ERCC8: variants seen among roughly 807,000 people sequenced by gnomAD.
ERCC8 encodes DNA excision repair protein ERCC-8.
In ERCC8, 52 loss-of-function variants were observed where a neutral mutation model predicts 54.9. That is an observed-to-expected ratio of 0.95 (90% CI 0.76 to 1.19). The LOEUF is 1.19. Among genes scored for constraint, ERCC8 ranks in the 50% most tolerant of loss-of-function variants. The probability of loss-of-function intolerance (pLI) is 0.00; values close to 1 mark genes in which losing one functional copy is unlikely to be tolerated. For synonymous variants in ERCC8, 146 were observed against 157.2 expected (o/e 0.93, Z 0.53); for missense variants, 514 against 466.1 (o/e 1.10, Z -0.95).
intron 1 of ERCC8, among the ~76,000 whole-genome samples, chr5:60,942,157 C>T (rs158935): frequency 0.64 from 96,717 of 151,968 alleles, 31,205 homozygotes; most frequent in East Asian, 0.94. Flanking sequence ...AATGTTCAAA[C>T]AGTCAAATGA....
chr5:60,929,191 G>A (rs1030799538), intron 1 of ERCC8, among the ~76,000 whole-genome samples: 4 of 152,024 alleles, frequency 2.6e-5, no homozygotes, highest in South Asian at 2.1e-4. Context: ...AAATTTGTAC[G>A]AAAAAAGTTA....
chr5:60,931,108 A>C (rs1749896062), intron 1 of ERCC8, among the ~76,000 whole-genome samples: 1 of 151,160 alleles, frequency 6.6e-6, no homozygotes, highest in African/African-American at 2.4e-5. Flanking sequence ...AAAGCAAGCA[A>C]GACTCCGTCT....
chr5:60,926,362 T>C (rs549552614), intron 2 of ERCC8, among the ~76,000 whole-genome samples: 4 of 152,306 alleles, frequency 2.6e-5, no homozygotes, highest in East Asian at 1.9e-4. Context: ...AATGATGTAG[T>C]AGATTTATGT....
rs1489600919 is a variant in ERCC8 at position 60,945,014 on chromosome 5, G to C, written c.-6C>G. 2 of 1,613,052 alleles carry C rather than the reference G, an allele frequency of 1.2e-6. No homozygotes were observed. The highest frequency in any genetic ancestry group is 1.7e-6 in the Non-Finnish European group (2 of 1,179,004). On this transcript the variant is annotated 5_prime_UTR_variant, in exon 1 of 12. Coordinates refer to ENST00000676185, the MANE Select transcript of ERCC8 (RefSeq NM_000082.4). The stretch of plus-strand genomic sequence containing the variant: ...GCGGACAAAAACCCCAGCATATCGT[G>C]TCCTCACACCGGCTGGAGCACTGGA...
chr5:60,920,842 C>T (rs1344166735), intron 3 of ERCC8, among the ~76,000 whole-genome samples: 1 of 151,760 alleles, frequency 6.6e-6, no homozygotes, highest in Non-Finnish European at 1.5e-5. Flanking sequence ...GGTGAAAATA[C>T]TATTTTGCTA....
At chr5:60,913,732 T>A (rs1749343179) in intron 4 of ERCC8, among the ~76,000 whole-genome samples, 1 of 152,168 alleles carries the variant, frequency 6.6e-6, no homozygotes, top group Non-Finnish European at 1.5e-5. Context: ...GGGCATTTAG[T>A]GCTATAAATT....
chr5:60,927,629 A>G (rs1043710472), intron 2 of ERCC8, among the ~76,000 whole-genome samples: 3 of 152,112 alleles, frequency 2.0e-5, no homozygotes, highest in Non-Finnish European at 4.4e-5. Context: ...ACTGATTACT[A>G]CACCAAGTGG....
intron 10 of ERCC8, 21 bp downstream of exon 10, chr5:60,890,868 A>T: frequency 6.3e-7 from 1 of 1,581,638 alleles, no homozygotes; most frequent in Non-Finnish European, 8.7e-7. Flanking sequence ...TGAACATTTT[A>T]AATTCCTGTA....
chr5:60,910,683 G>A (rs1369351236), intron 4 of ERCC8, among the ~76,000 whole-genome samples: 3 of 151,910 alleles, frequency 2.0e-5, no homozygotes, highest in African/African-American at 7.3e-5. Flanking sequence ...TTTTATAATC[G>A]CTTGTGTTTG....
intron 1 of ERCC8, among the ~76,000 whole-genome samples, chr5:60,941,591 A>G (rs1222708724): frequency 6.6e-6 from 1 of 152,212 alleles, no homozygotes; most frequent in African/African-American, 2.4e-5. Flanking sequence ...AACCCTAACT[A>G]GGATAAATCC....
intron 4 of ERCC8, among the ~76,000 whole-genome samples, chr5:60,916,873 T>G (rs1261231991): frequency 1.3e-5 from 2 of 152,050 alleles, no homozygotes; most frequent in Non-Finnish European, 2.9e-5. Context: ...TACATAGCAC[T>G]GAATTTAGTA....
intron 2 of ERCC8, among the ~76,000 whole-genome samples, chr5:60,927,310 C>T (rs1321443017): frequency 6.6e-6 from 1 of 152,184 alleles, no homozygotes; most frequent in East Asian, 1.9e-4. Context: ...GTTATATACA[C>T]ATCGATTTTT....
At chr5:60,912,503 G>C (rs1749299266) in intron 4 of ERCC8, among the ~76,000 whole-genome samples, 1 of 152,044 alleles carries the variant, frequency 6.6e-6, no homozygotes, top group Non-Finnish European at 1.5e-5. Context: ...TCAGACGATG[G>C]GGTTTTCTAG....
intron 11 of ERCC8, among the ~76,000 whole-genome samples, chr5:60,881,707 A>C (rs574055648): frequency 6.6e-6 from 1 of 152,140 alleles, no homozygotes; most frequent in African/African-American, 2.4e-5. Context: ...AGACCATTGG[A>C]AAAGTGCAGT....
At chr5:60,938,341 C>A (rs1382062052) in intron 1 of ERCC8, among the ~76,000 whole-genome samples, 1 of 141,222 alleles carries the variant, frequency 7.1e-6, no homozygotes, top group Non-Finnish European at 1.5e-5. Context: ...AAGATAGCTA[C>A]CTTTTTGAAT....
intron 2 of ERCC8, among the ~76,000 whole-genome samples, chr5:60,927,975 TG>T (rs544464328): frequency 4.7e-4 from 71 of 152,312 alleles, no homozygotes; most frequent in Middle Eastern, 6.8e-3. Context: ...ATAAAAATTC[TG>T]GGGGAAATGC....
rs1462975841 is a variant in ERCC8 at position 60,891,892 on chromosome 5, A to G, written c.844-806T>C. ...ACTGGTAATCTCCCGTCCCACTGGA[A>G]CTGGTGCTTGGATCGGAAGGGAAGT... is the stretch of plus-strand genomic sequence containing the variant. On this transcript the variant is annotated intron_variant, in intron 9 of 11. Coordinates refer to ENST00000676185, the MANE Select transcript of ERCC8 (RefSeq NM_000082.4). 12 of 468,080 alleles carry G rather than the reference A, an allele frequency of 2.6e-5. No individual in the cohort carries two copies. The Admixed American group carries it at 2.7e-4, about 11-fold the overall frequency. 29.0% of individuals were successfully genotyped at this position (468,080 alleles called of 1,614,324 possible). A position where few individuals can be genotyped will look rare whatever the true frequency, so the allele number is the denominator to read the frequency against.
At chr5:60,880,293 T>G (rs1457798029) in intron 11 of ERCC8, among the ~76,000 whole-genome samples, 1 of 152,234 alleles carries the variant, frequency 6.6e-6, no homozygotes, top group Non-Finnish European at 1.5e-5. Context: ...CTGGCTGCCC[T>G]TAACATTTTT....
rs1387667362 is a variant in ERCC8, at chr5:60,907,831, T to C, written c.400-2958A>G. The stretch of plus-strand genomic sequence containing the variant: ...TTCAAATCCAAACTTTGGCTATCTC[T>C]AATTCCTTATCTCCCACGTATTTCT... On this transcript the variant is annotated intron_variant, in intron 4 of 11. Transcript: ENST00000676185. 2.6e-5 allele frequency among the ~76,000 whole-genome samples: 4 copies of C among 152,342 alleles called. No homozygotes were observed. The East Asian group carries it at 5.8e-4, about 22-fold the overall frequency.
Sources: allele counts gnomAD v4.1 joint callset (sites outside exome capture counted in the v4.1 genomes callset), GRCh38; gene constraint gnomAD v4.1.1; transcripts MANE v1.5; gene names NCBI Gene and HGNC (gene_info 2026-07-23, HGNC 2026-07-21).